BMP6: variants seen among roughly 807,000 people sequenced by gnomAD.
BMP6 encodes the protein bone morphogenetic protein 6.
A neutral mutation model predicts 54.1 loss-of-function variants in BMP6; 17 were observed. That is an observed-to-expected ratio of 0.31 (90% CI 0.22 to 0.47). BMP6 has a LOEUF of 0.47. Ranked by LOEUF, BMP6 falls within the 20% of genes least tolerant of loss-of-function variation. BMP6 has a pLI of 1.00. For synonymous variants in BMP6, 328 were observed against 291.2 expected, an observed-to-expected ratio of 1.13 and a Z score of -1.28; for missense variants, 720 against 690.4, an observed-to-expected ratio of 1.04 and a Z score of -0.48.
chr6:7,750,150 A>G lies in BMP6; in HGVS notation c.664+22531A>G, dbSNP rs76746900. Among the ~76,000 whole-genome samples, 619 of 152,300 alleles carry G rather than the reference A, an allele frequency of 4.1e-3. 8 individuals carry two copies. In the East Asian group the frequency reaches 0.046, roughly 11 times the overall value. On this transcript the variant is annotated intron_variant, in intron 1 of 6. Coordinates refer to ENST00000283147, the MANE Select transcript of BMP6 (RefSeq NM_001718.6). ...ATCTACATCAACATTGAAACATTCA[A>G]CGTCAACATTTGAGCGTGCTAGCTC... is the stretch of plus-strand genomic sequence containing the variant.
At chr6:7,807,514 A>C (rs144443567) in intron 1 of BMP6, among the ~76,000 whole-genome samples, 3,061 of 151,818 alleles carry the variant, frequency 0.02, 98 homozygotes, top group African/African-American at 0.067. Context: ...CTCCTGACCT[A>C]GTGATCCGCC....
rs1382806491 is a variant in BMP6 at position 7,881,145 on chromosome 6, G to C, written c.*802G>C. 5 of 151,486 alleles carry C rather than the reference G, an allele frequency of 3.3e-5. No individual in the cohort carries two copies. Among genetic ancestry groups the C allele is most frequent in the African/African-American group, 1.2e-4 (5 of 40,588 alleles). The allele number at this position is 151,486 out of a possible 1,614,324, so 9.4% of individuals were successfully genotyped here. ...ATTAACTTCTGGACTGCCGGCTCTAGTACCTTTTCAGTAAAGTGGTTCTCT... is the reference window on the plus strand; with the variant it reads ...ATTAACTTCTGGACTGCCGGCTCTACTACCTTTTCAGTAAAGTGGTTCTCT... On this transcript the variant is annotated 3_prime_UTR_variant, in exon 7 of 7. Coordinates refer to ENST00000283147, the MANE Select transcript of BMP6 (RefSeq NM_001718.6).
At chr6:7,735,954 T>C (rs1303757772) in intron 1 of BMP6, among the ~76,000 whole-genome samples, 1 of 152,168 alleles carries the variant, frequency 6.6e-6, no homozygotes, top group Non-Finnish European at 1.5e-5. Context: ...AAATTCAAAA[T>C]ACGCAGAGTT....
chr6:7,777,681 T>TAAAA (rs71542882), intron 1 of BMP6, among the ~76,000 whole-genome samples: 5 of 142,100 alleles, frequency 3.5e-5, no homozygotes, highest in African/African-American at 1.0e-4. Context: ...GCATCACTAA[T>TAAAA]AAAAAAAAAA....
intron 1 of BMP6, among the ~76,000 whole-genome samples, chr6:7,816,746 T>C (rs1758533731): frequency 1.3e-5 from 2 of 152,196 alleles, no homozygotes; most frequent in South Asian, 4.1e-4. Flanking sequence ...GATTGTTTTT[T>C]CTTCTATTTT....
At chr6:7,736,380 AG>A (rs1371255653) in intron 1 of BMP6, among the ~76,000 whole-genome samples, 2 of 152,204 alleles carry the variant, frequency 1.3e-5, no homozygotes, top group African/African-American at 2.4e-5. Context: ...GGGGGTTATT[AG>A]GGGAGAGGTT....
intron 1 of BMP6, among the ~76,000 whole-genome samples, chr6:7,737,635 CTT>C (rs371027110): frequency 2.0e-5 from 3 of 147,188 alleles, no homozygotes; most frequent in African/African-American, 2.5e-5. Flanking sequence ...CTTGCTTTCC[CTT>C]TTTTTTTTTC....
intron 1 of BMP6, among the ~76,000 whole-genome samples, chr6:7,816,866 T>C (rs1453535979): frequency 6.6e-6 from 1 of 152,200 alleles, no homozygotes; most frequent in East Asian, 1.9e-4. Flanking sequence ...CAGAAGTTAT[T>C]ACTCTACTGT....
intron 1 of BMP6, among the ~76,000 whole-genome samples, chr6:7,746,301 T>C (rs1757346113): frequency 6.6e-6 from 1 of 152,132 alleles, no homozygotes; most frequent in Non-Finnish European, 1.5e-5. Context: ...CTTTATTTTG[T>C]AGGCAATGAG....
intron 1 of BMP6, among the ~76,000 whole-genome samples, chr6:7,733,162 AC>A (rs1761897513): frequency 6.6e-6 from 1 of 151,958 alleles, no homozygotes; most frequent in Admixed American, 6.6e-5. Context: ...TGCCTTGGCC[AC>A]CCAAAGTGCT....
intron 4 of BMP6, among the ~76,000 whole-genome samples, chr6:7,864,705 T>G (rs1457051346): frequency 6.6e-6 from 1 of 152,218 alleles, no homozygotes; most frequent in East Asian, 1.9e-4. Context: ...CAGCGTGATG[T>G]GACATTTTGC....
chr6:7,865,085 T>G (rs1759398017), intron 4 of BMP6, among the ~76,000 whole-genome samples: 1 of 152,228 alleles, frequency 6.6e-6, no homozygotes, highest in Non-Finnish European at 1.5e-5. Flanking sequence ...CCCCACCCAA[T>G]GCACACACTA....
chr6:7,865,939 A>G (rs1283986149), intron 4 of BMP6, among the ~76,000 whole-genome samples: 1 of 152,232 alleles, frequency 6.6e-6, no homozygotes, highest in Non-Finnish European at 1.5e-5. Flanking sequence ...TGGCAAGGAA[A>G]TAAGAGGCTA....
At chr6:7,822,025 CT>C (rs558981095) in intron 1 of BMP6, among the ~76,000 whole-genome samples, 401 of 145,450 alleles carry the variant, frequency 2.8e-3, no homozygotes, top group Middle Eastern at 7.1e-3. Context: ...GCAGGAGGGA[CT>C]TTTTTTTTTT....
At chr6:7,772,345 T>A (rs929326505) in intron 1 of BMP6, among the ~76,000 whole-genome samples, 2 of 152,226 alleles carry the variant, frequency 1.3e-5, no homozygotes, top group Non-Finnish European at 2.9e-5. Context: ...TGGGATCTTT[T>A]CGTTGGTGAA....
chr6:7,814,461 C>T (rs1486384747), intron 1 of BMP6, among the ~76,000 whole-genome samples: 2 of 152,178 alleles, frequency 1.3e-5, no homozygotes, highest in Non-Finnish European at 2.9e-5. Flanking sequence ...CTGTTGTTTG[C>T]AGACTTTTGC....
At chr6:7,776,215 G>A (rs1485445343) in intron 1 of BMP6, among the ~76,000 whole-genome samples, 2 of 152,212 alleles carry the variant, frequency 1.3e-5, no homozygotes, top group South Asian at 2.1e-4. Flanking sequence ...TGAGATAGTT[G>A]CCCAAGTTAT....
intron 1 of BMP6, among the ~76,000 whole-genome samples, chr6:7,756,522 T>C (rs1272001712): frequency 6.6e-6 from 1 of 152,246 alleles, no homozygotes; most frequent in Admixed American, 6.5e-5. Context: ...ATGAGTTATT[T>C]TCCTACATCT....
In BMP6 at chr6:7,867,983, GTCATTCCCAA is replaced by G. The variant is rs1402791366; in HGVS notation, c.1204+5491_1204+5500del. Among the ~76,000 whole-genome samples the G allele has an allele frequency of 2.0e-5, 3 of 152,344 alleles. No individual in the cohort carries two copies. The East Asian group carries it at 5.8e-4, about 29-fold the overall frequency. ...TATGCAGGTACCGTGAGATGCCTAA[GTCATTCCCAA>G]TCATTGCCAACCCTGGGAGGGCACT... On this transcript the variant is annotated intron_variant, in intron 4 of 6. Transcript: ENST00000283147.
Sources: allele counts gnomAD v4.1 joint callset (sites outside exome capture counted in the v4.1 genomes callset), GRCh38; gene constraint gnomAD v4.1.1; transcripts MANE v1.5; gene names NCBI Gene and HGNC (gene_info 2026-07-23, HGNC 2026-07-21).